The following GRIK2 variants were observed in gnomAD, a reference collection of about 807,000 sequenced individuals.
The protein encoded by GRIK2 is glutamate ionotropic receptor kainate type subunit 2.
Under a neutral mutation model 100.3 loss-of-function variants are expected in GRIK2, and 32 were observed. That is an observed-to-expected ratio of 0.32 (90% CI 0.24 to 0.43). The LOEUF (loss-of-function observed/expected upper bound fraction) is 0.43, where lower values mean the gene tolerates loss of function less well. Among genes scored for constraint, GRIK2 ranks in the 20% least tolerant of loss-of-function variants. The pLI, the probability that GRIK2 is intolerant of heterozygous loss-of-function variation, is 1.00. For synonymous variants in GRIK2, 417 were observed against 389.4 expected, an observed-to-expected ratio of 1.07 and a Z score of -0.83; for missense variants, 843 against 1,114.9, an observed-to-expected ratio of 0.76 and a Z score of 3.47.
chr6:101,527,221 G>A (rs995489114), intron 2 of GRIK2, among the ~76,000 whole-genome samples: 5 of 152,146 alleles, frequency 3.3e-5, no homozygotes, highest in Admixed American at 6.5e-5. Context: ...TTTAAACACA[G>A]TACTGTCATC....
chr6:101,455,220 T>C (rs973380094), intron 2 of GRIK2, among the ~76,000 whole-genome samples: 2 of 152,058 alleles, frequency 1.3e-5, no homozygotes, highest in Non-Finnish European at 2.9e-5. Flanking sequence ...CAGCATTTTG[T>C]GCATATAAAA....
At chr6:101,644,717 T>C (rs1781440089) in intron 4 of GRIK2, among the ~76,000 whole-genome samples, 1 of 151,810 alleles carries the variant, frequency 6.6e-6, no homozygotes, top group South Asian at 2.1e-4. Context: ...TATAATGTAT[T>C]TAGAACATTA....
intron 16 of GRIK2, 56 bp from the exon 17 acceptor site, chr6:102,068,291 G>T: frequency 8.0e-7 from 1 of 1,257,028 alleles, no homozygotes; most frequent in Non-Finnish European, 1.1e-6. Context: ...TATTGATCTT[G>T]GACAGTTACA....
rs56211621 is a variant in GRIK2 at position 102,007,083 on chromosome 6, G to A, written c.2086-28258G>A. On this transcript the variant is annotated intron_variant, in intron 14 of 16. Transcript: ENST00000369134. Reference sequence around the variant, plus strand: ...TGCATGATACAATTGTAAACAAAACGTATTCCAGTTTTTAAGACAATTGTT... The same window carrying A: ...TGCATGATACAATTGTAAACAAAACATATTCCAGTTTTTAAGACAATTGTT... Among the ~76,000 whole-genome samples the A allele has an allele frequency of 2.4e-3, 358 of 152,070 alleles. 1 individual carries two copies. The highest frequency in any genetic ancestry group is 8.0e-3 in the African/African-American group (331 of 41,508).
chr6:101,503,382 G>A (rs1046394687), intron 2 of GRIK2, among the ~76,000 whole-genome samples: 3 of 151,864 alleles, frequency 2.0e-5, no homozygotes, highest in Non-Finnish European at 4.4e-5. Flanking sequence ...GGGGAAAGAG[G>A]CACTGTCCTA....
chr6:101,580,929 C>T (rs1778050444), intron 2 of GRIK2, among the ~76,000 whole-genome samples: 1 of 152,064 alleles, frequency 6.6e-6, no homozygotes, highest in South Asian at 2.1e-4. Flanking sequence ...TACTGCCCAA[C>T]TCCTAGCACT....
At chr6:101,511,718 T>A (rs1188235211) in intron 2 of GRIK2, among the ~76,000 whole-genome samples, 1 of 152,030 alleles carries the variant, frequency 6.6e-6, no homozygotes, top group Non-Finnish European at 1.5e-5. Context: ...TCTAAGATCA[T>A]TTTAAATTAT....
intron 10 of GRIK2, among the ~76,000 whole-genome samples, chr6:101,855,011 G>T (rs777660569): frequency 6.6e-6 from 1 of 152,124 alleles, no homozygotes; most frequent in Non-Finnish European, 1.5e-5. Flanking sequence ...GGAAGCAAAA[G>T]AGCTCACCAT....
intron 12 of GRIK2, among the ~76,000 whole-genome samples, chr6:101,899,181 C>A (rs964893629): frequency 6.7e-6 from 1 of 149,128 alleles, no homozygotes; most frequent in African/African-American, 2.5e-5. Context: ...ATAGAAATAT[C>A]TTGGTTGATC....
At chr6:101,836,659 A>ATTTTTTTTTTTTTT (rs1239661989) in intron 10 of GRIK2, among the ~76,000 whole-genome samples, 1 of 60,224 alleles carries the variant, frequency 1.7e-5, no homozygotes, top group Non-Finnish European at 3.3e-5. Context: ...ATATATATAT[A>ATTTTTTTTTTTTTT]TATTTTTTTT....
intron 11 of GRIK2, among the ~76,000 whole-genome samples, chr6:101,885,647 A>G (rs1034838678): frequency 6.6e-6 from 1 of 152,000 alleles, no homozygotes; most frequent in Non-Finnish European, 1.5e-5. Context: ...TTCCCCTTCC[A>G]CCTTCCCAGT....
At chr6:101,664,278 CAAAA>C (rs945236693) in intron 4 of GRIK2, among the ~76,000 whole-genome samples, 2 of 152,098 alleles carry the variant, frequency 1.3e-5, no homozygotes, top group African/African-American at 4.8e-5. Context: ...ACAAACAGGA[CAAAA>C]AAGAAATAGA....
At chr6:101,921,194 G>C (rs1055876811) in intron 12 of GRIK2, among the ~76,000 whole-genome samples, 3 of 151,990 alleles carry the variant, frequency 2.0e-5, no homozygotes, top group African/African-American at 7.2e-5. Flanking sequence ...GTGATTTAAG[G>C]GCTAGTGGCA....
chr6:101,451,961 A>G (rs894957989), intron 2 of GRIK2, among the ~76,000 whole-genome samples: 1 of 151,792 alleles, frequency 6.6e-6, no homozygotes, highest in East Asian at 1.9e-4. Flanking sequence ...ACTAATAGCC[A>G]ATACTTTCTC....
intron 4 of GRIK2, among the ~76,000 whole-genome samples, chr6:101,634,778 A>G (rs930187134): frequency 6.6e-6 from 1 of 151,972 alleles, no homozygotes; most frequent in African/African-American, 2.4e-5. Flanking sequence ...ACTAATTTCT[A>G]TGATACGATC....
chr6:101,513,802 A>G (rs1447349387), intron 2 of GRIK2, among the ~76,000 whole-genome samples: 1 of 151,028 alleles, frequency 6.6e-6, no homozygotes, highest in Non-Finnish European at 1.5e-5. Context: ...TATTAGCAAT[A>G]AAACTATGAT....
At chr6:101,425,075 T>A (rs561775883) in intron 2 of GRIK2, among the ~76,000 whole-genome samples, 2 of 152,212 alleles carry the variant, frequency 1.3e-5, no homozygotes, top group Non-Finnish European at 2.9e-5. Context: ...TTGTTGGACA[T>A]GTGGGTTGGT....
chr6:101,873,904 G>A (rs1276933865), intron 11 of GRIK2, among the ~76,000 whole-genome samples: 7 of 152,136 alleles, frequency 4.6e-5, no homozygotes, highest in Non-Finnish European at 2.9e-5. Flanking sequence ...CTTTGGAGAA[G>A]TGTCTGTTCA....
chr6:101,650,308 T>C (rs1032669509), intron 4 of GRIK2, among the ~76,000 whole-genome samples: 4 of 152,128 alleles, frequency 2.6e-5, no homozygotes, highest in African/African-American at 4.8e-5. Flanking sequence ...GAAAAAGGCG[T>C]GCTGACCACT....
Sources: allele counts gnomAD v4.1 joint callset (sites outside exome capture counted in the v4.1 genomes callset), GRCh38; gene constraint gnomAD v4.1.1; transcripts MANE v1.5; gene names NCBI Gene and HGNC (gene_info 2026-07-23, HGNC 2026-07-21).